The following DNTTIP1 variants were observed in gnomAD, a reference collection of about 807,000 sequenced individuals.
DNTTIP1 encodes deoxynucleotidyltransferase terminal-interacting protein 1.
In DNTTIP1, 22 loss-of-function variants were observed where a neutral mutation model predicts 52.9. That is an observed-to-expected ratio of 0.42 (90% CI 0.30 to 0.59). The LOEUF is 0.59. Among genes scored for constraint, DNTTIP1 ranks in the 20% least tolerant of loss-of-function variants. DNTTIP1 has a pLI of 0.22. For synonymous variants in DNTTIP1, 136 were observed against 155.1 expected (o/e 0.88, Z 0.92); for missense variants, 286 against 435.5 (o/e 0.66, Z 3.06).
chr20:45,802,010 G>A lies in DNTTIP1; in HGVS notation c.510G>A (p.Arg170=). Residue 170 remains arginine, a synonymous_variant, in exon 7 of 13, where the codon CGG becomes CGA. Transcript: ENST00000372622. Reference sequence around the variant, plus strand: ...GTTTTTTGTGGCAGAGGAAAGGACGGCCTCCTGGACACATCCTGTCAAGCG... The same window carrying A: ...GTTTTTTGTGGCAGAGGAAAGGACGACCTCCTGGACACATCCTGTCAAGCG... The part of the protein sequence containing the change: ...GSPLPKKRKG[R]PPGHILSSDR... 1 of 1,614,184 alleles carries A rather than the reference G, an allele frequency of 6.2e-7. No homozygotes were observed. The highest frequency in any genetic ancestry group is 8.5e-7 in the Non-Finnish European group (1 of 1,180,042).
At position 45,811,369 on chromosome 20, in the gene DNTTIP1, T is replaced by C. The variant is rs936989458; in HGVS notation, c.*174T>C. On this transcript the variant is annotated 3_prime_UTR_variant, in exon 13 of 13. Transcript: ENST00000372622. Reference sequence around the variant, plus strand: ...CCCAGACTAGCATGTGGTTCTATATTTGTAAAGTTATTGGGATAAGAAACA... The same window carrying C: ...CCCAGACTAGCATGTGGTTCTATATCTGTAAAGTTATTGGGATAAGAAACA... The C allele has an allele frequency of 1.9e-5, 12 of 624,700 alleles. No homozygotes were observed. The highest frequency in any genetic ancestry group is 5.5e-5 in the African/African-American group (3 of 54,426). 38.7% of individuals were successfully genotyped at this position (624,700 alleles called of 1,614,324 possible).
In DNTTIP1 at chr20:45,809,295, A is replaced by G. The variant is rs533640358; in HGVS notation, c.795+110A>G. The G allele has an allele frequency of 3.9e-5, 35 of 907,004 alleles. No individual in the cohort carries two copies. The highest frequency in any genetic ancestry group is 3.2e-4 in the Middle Eastern group (1 of 3,114). The allele number at this position is 907,004 out of a possible 1,614,324, so 56.2% of individuals were successfully genotyped here. A position where few individuals can be genotyped will look rare whatever the true frequency, so the allele number is the denominator to read the frequency against. On this transcript the variant is annotated intron_variant, in intron 11 of 12. Coordinates refer to ENST00000372622, the MANE Select transcript of DNTTIP1 (RefSeq NM_052951.3). The surrounding 1 kb of genome is among the most constrained non-coding windows in gnomAD (Gnocchi z 4.2). ...AAATCTGACTTCCAAAGCCTCACCA[A>G]TGTGTGAGAAGAGAGACTTATAAGG...
chr20:45,799,300 A>G (rs1981345397), intron 4 of DNTTIP1, among the ~76,000 whole-genome samples: 1 of 152,246 alleles, frequency 6.6e-6, no homozygotes, highest in African/African-American at 2.4e-5. Flanking sequence ...CCAGAGAAGT[A>G]GAAGGAACAC....
chr20:45,807,493 G>T (rs951502696), intron 10 of DNTTIP1, among the ~76,000 whole-genome samples: 7 of 152,128 alleles, frequency 4.6e-5, no homozygotes, highest in Admixed American at 1.3e-4. Context: ...TATTTCTTCT[G>T]TAAGCTGCCT....
chr20:45,801,140 A>G lies in DNTTIP1; in HGVS notation c.439A>G (p.Lys147Glu), dbSNP rs1981453738. 1.9e-6 allele frequency: 3 copies of G among 1,613,912 alleles called. No individual in the cohort carries two copies. Among genetic ancestry groups the G allele is most frequent in the Non-Finnish European group, 2.5e-6 (3 of 1,179,818 alleles). Reference sequence around the variant, plus strand: ...ATTGACCCATGAGCTTCCAGGAATAAAGGTCAGAGTCACTGTGTTCTCGGG... The same window carrying G: ...ATTGACCCATGAGCTTCCAGGAATAGAGGTCAGAGTCACTGTGTTCTCGGG... ...PRLTHELPGI[K>E]RGRQAEEECA... Residue 147 changes from lysine (K) to glutamate (E), a missense_variant and splice_region_variant, in exon 5 of 13, where the codon AAG (lysine) becomes GAG (glutamate). Lys to Glu is a moderately conservative substitution (Grantham distance 56). Coordinates refer to ENST00000372622, the MANE Select transcript of DNTTIP1 (RefSeq NM_052951.3).
In DNTTIP1 at chr20:45,811,305, G is replaced by A; in HGVS notation, c.*110G>A. The A allele has an allele frequency of 7.5e-7, 1 of 1,331,654 alleles. No individual in the cohort carries two copies. Among genetic ancestry groups the A allele is most frequent in the South Asian group, 1.5e-5 (1 of 68,114 alleles). 82.5% of individuals were successfully genotyped at this position (1,331,654 alleles called of 1,614,324 possible). On this transcript the variant is annotated 3_prime_UTR_variant, in exon 13 of 13. Transcript: ENST00000372622. Reference sequence around the variant, plus strand: ...AGATGGATCTCAGCGGCATTAAGCTGTGCCTGAGCGAGTTTGTAGTGACTC... The same window carrying A: ...AGATGGATCTCAGCGGCATTAAGCTATGCCTGAGCGAGTTTGTAGTGACTC...
At chr20:45,799,089 A>C (rs893134241) in intron 4 of DNTTIP1, among the ~76,000 whole-genome samples, 1 of 152,332 alleles carries the variant, frequency 6.6e-6, no homozygotes, top group African/African-American at 2.4e-5. Flanking sequence ...AAGCATAGAC[A>C]TGGGGCAGAC....
Position 45,809,168 on chromosome 20 carries a change from G to A in DNTTIP1, c.778G>A (p.Ala260Thr). 6.2e-7 allele frequency: 1 copy of A among 1,614,082 alleles called. No homozygotes were observed. Among genetic ancestry groups the A allele is most frequent in the Non-Finnish European group, 8.5e-7 (1 of 1,179,988 alleles). The stretch of plus-strand genomic sequence containing the variant: ...GCTGGCTGAGCAGCATCACATGCGG[G>A]CAACAGGGGGCAAGATGGTAAGCAT... ...HWLAEQHHMR[A>T]TGGKMAYLLI... Residue 260 changes from alanine (A) to threonine (T), a missense_variant, in exon 11 of 13, where the codon GCA becomes ACA. By Grantham distance (58) the Ala-to-Thr change is moderately conservative. Coordinates refer to ENST00000372622, the MANE Select transcript of DNTTIP1 (RefSeq NM_052951.3). The surrounding 1 kb of genome is among the most constrained non-coding windows in gnomAD (Gnocchi z 4.2).
At chr20:45,802,588 C>A (rs536258030) in intron 7 of DNTTIP1, among the ~76,000 whole-genome samples, 2 of 152,258 alleles carry the variant, frequency 1.3e-5, no homozygotes, top group African/African-American at 2.4e-5. Flanking sequence ...CAGCCTCCCC[C>A]ATTATCGACA....
intron 7 of DNTTIP1, 96 bp from the exon 8 acceptor site, chr20:45,803,235 TGA>T (rs1323885009): frequency 8.4e-7 from 1 of 1,191,084 alleles, no homozygotes; most frequent in East Asian, 2.4e-5. Context: ...AGGGCTAAAG[TGA>T]GAGTGTGTGA....
At chr20:45,801,225 T>C in intron 5 of DNTTIP1, 83 bp downstream of exon 5, 1 of 1,387,426 alleles carries the variant, frequency 7.2e-7, no homozygotes, top group Non-Finnish European at 1.0e-6. Context: ...CCCAGGGAGG[T>C]TCCATGTACT....
rs1981105061 is a variant in DNTTIP1, at chr20:45,793,335, G to A, written c.177-586G>A. ...CCCAGCACTTTGGGAGGCTGAGGTG[G>A]GTGGATCACCTGAGGTCGGGACTTC... is the stretch of plus-strand genomic sequence containing the variant. On this transcript the variant is annotated intron_variant, in intron 2 of 12. Coordinates refer to ENST00000372622, the MANE Select transcript of DNTTIP1 (RefSeq NM_052951.3). Among the ~76,000 whole-genome samples the A allele has an allele frequency of 2.0e-5, 3 of 152,210 alleles. No homozygotes were observed. The South Asian group carries it at 6.2e-4, about 32-fold the overall frequency.
intron 10 of DNTTIP1, among the ~76,000 whole-genome samples, chr20:45,806,132 G>A (rs1332858318): frequency 1.3e-5 from 2 of 151,922 alleles, no homozygotes. Flanking sequence ...GAGGCTGGCG[G>A]ATCACCTGAA....
At position 45,811,283 on chromosome 20, in the gene DNTTIP1, T is replaced by C; in HGVS notation, c.*88T>C. 1.4e-6 allele frequency: 2 copies of C among 1,473,660 alleles called. No homozygotes were observed. The highest frequency in any genetic ancestry group is 2.7e-5 in the South Asian group (2 of 74,460). 91.3% of individuals were successfully genotyped at this position (1,473,660 alleles called of 1,614,324 possible). ...GGCCACCGCTGGGACTGCTCCTAGA[T>C]GGATCTCAGCGGCATTAAGCTGTGC... On this transcript the variant is annotated 3_prime_UTR_variant, in exon 13 of 13. Coordinates refer to ENST00000372622, the MANE Select transcript of DNTTIP1 (RefSeq NM_052951.3).
rs747269116 is a variant in DNTTIP1, at chr20:45,811,314, C to T, written c.*119C>T. ...TCAGCGGCATTAAGCTGTGCCTGAG[C>T]GAGTTTGTAGTGACTCACTGCACAG... On this transcript the variant is annotated 3_prime_UTR_variant, in exon 13 of 13. Coordinates refer to ENST00000372622, the MANE Select transcript of DNTTIP1 (RefSeq NM_052951.3). 11 of 1,263,928 alleles carry T rather than the reference C, an allele frequency of 8.7e-6. No individual in the cohort carries two copies. The highest frequency in any genetic ancestry group is 1.5e-5 in the South Asian group (1 of 66,102). The allele number at this position is 1,263,928 out of a possible 1,614,324, so 78.3% of individuals were successfully genotyped here. A position where few individuals can be genotyped will look rare whatever the true frequency, so the allele number is the denominator to read the frequency against.
chr20:45,805,431 A>C (rs1434076920), intron 10 of DNTTIP1, 65 bp downstream of exon 10: 1 of 1,547,666 alleles, frequency 6.5e-7, no homozygotes, highest in African/African-American at 1.4e-5. Context: ...TCCACTCAGC[A>C]CAGAGAAGCT....
chr20:45,801,568 A>G, intron 6 of DNTTIP1, 110 bp downstream of exon 6: 1 of 1,145,354 alleles, frequency 8.7e-7, no homozygotes, highest in Non-Finnish European at 1.3e-6. Flanking sequence ...GGGGAGGATC[A>G]CTTGAGCTCA....
intron 10 of DNTTIP1, among the ~76,000 whole-genome samples, chr20:45,805,855 G>A (rs73622605): frequency 2.6e-5 from 4 of 151,270 alleles, no homozygotes; most frequent in Non-Finnish European, 4.4e-5. Flanking sequence ...AGGCCAAGGC[G>A]GGTGGATCAC....
chr20:45,798,329 T>C (rs1981310426), intron 4 of DNTTIP1, among the ~76,000 whole-genome samples: 1 of 99,634 alleles, frequency 1.0e-5, no homozygotes, highest in Non-Finnish European at 2.0e-5. Context: ...CCGGGGCCTG[T>C]CGTGGGGTTG....
Sources: gnomAD v4.1 joint callset for allele counts (sites outside exome capture counted in the v4.1 genomes callset) on GRCh38, gnomAD v4.1.1 for gene constraint, Gnocchi (gnomAD v3.1) non-coding constraint, MANE v1.5 for transcripts, NCBI Gene and HGNC (gene_info 2026-07-23, HGNC 2026-07-21) for gene names.